Variants in IRS1 observed in about 807,000 individuals in gnomAD.
The protein encoded by IRS1 is insulin receptor substrate 1.
In IRS1, 34 loss-of-function variants were observed where a neutral mutation model predicts 65.6. The observed-to-expected ratio is 0.52, with a 90% CI of 0.39 to 0.69. The LOEUF (loss-of-function observed/expected upper bound fraction) is 0.69, where lower values mean the gene tolerates loss of function less well. Ranked by LOEUF, IRS1 falls within the 30% of genes least tolerant of loss-of-function variation. The pLI, the probability that IRS1 is intolerant of heterozygous loss-of-function variation, is 0.00. For missense variants in IRS1, 1,641 were observed against 1,720.2 expected (o/e 0.95, Z 0.81); for synonymous variants, 699 against 683.5 (o/e 1.02, Z -0.35).
Position 226,797,100 on chromosome 2 carries a change from A to C in IRS1, c.1639T>G (p.Ser547Ala). 1 of 1,613,632 alleles carries C rather than the reference A, an allele frequency of 6.2e-7. No individual in the cohort carries two copies. Among genetic ancestry groups the C allele is most frequent in the Non-Finnish European group, 8.5e-7 (1 of 1,179,960 alleles). Residue 547 changes from serine to alanine, a missense_variant, in exon 1 of 2, where the codon TCC (serine) becomes GCC (alanine). By Grantham distance (99) the Ser-to-Ala change is moderately conservative. This residue lies in a region of IRS1 where 1,324 missense variants were observed against 1,361.0 expected (regional missense o/e 0.97). Transcript: ENST00000305123. This position sits in a 1 kb window ranked among gnomAD's most constrained non-coding sequence, Gnocchi z 8.1. ...QKTPSQSSVASIEEYTEMMPA... is the reference protein window; with the variant it reads ...QKTPSQSSVAAIEEYTEMMPA... The stretch of plus-strand genomic sequence containing the variant: ...ATCATCTCTGTGTACTCCTCAATGG[A>C]AGCCACTGAGGACTGGGACGGGGTC...
chr2:226,786,492 G>A (rs928945270), intron 1 of IRS1, among the ~76,000 whole-genome samples: 7 of 151,930 alleles, frequency 4.6e-5, no homozygotes, highest in Non-Finnish European at 7.4e-5. Flanking sequence ...TGGAGCAGTT[G>A]GGCATTTAAC....
chr2:226,762,852 G>C (rs150222096), intron 1 of IRS1, among the ~76,000 whole-genome samples: 26 of 152,266 alleles, frequency 1.7e-4, no homozygotes, highest in South Asian at 1.4e-3. Context: ...TCAGCTCAAA[G>C]TGACAAGCCT....
chr2:226,799,379 G>GCTT lies in IRS1; in HGVS notation c.-642_-641insAAG. On this transcript the variant is annotated 5_prime_UTR_variant, in exon 1 of 2. Coordinates refer to ENST00000305123, the MANE Select transcript of IRS1 (RefSeq NM_005544.3). The surrounding 1 kb of genome is among the most constrained non-coding windows in gnomAD (Gnocchi z 6.1). ...GGCTGTTGCTGTTGCTGCTGCTGCT[G>GCTT]CTGCTGCTGCTGCCGCCGCCCGCGG... The GCTT allele has an allele frequency of 7.9e-7, 1 of 1,266,904 alleles. No individual in the cohort carries two copies. Among genetic ancestry groups the GCTT allele is most frequent in the Non-Finnish European group, 1.0e-6 (1 of 972,362 alleles). 78.5% of individuals were successfully genotyped at this position (1,266,904 alleles called of 1,614,324 possible). A position where few individuals can be genotyped will look rare whatever the true frequency, so the allele number is the denominator to read the frequency against.
chr2:226,773,046 A>C (rs1484529092), intron 1 of IRS1, among the ~76,000 whole-genome samples: 1 of 152,234 alleles, frequency 6.6e-6, no homozygotes, highest in Non-Finnish European at 1.5e-5. Context: ...AGCATGAAAC[A>C]AGCAAAATCA....
chr2:226,771,931 C>T (rs150081346), intron 1 of IRS1, among the ~76,000 whole-genome samples: 4 of 152,314 alleles, frequency 2.6e-5, no homozygotes, highest in Admixed American at 2.0e-4. Flanking sequence ...CAGCTTGTAA[C>T]ATAATTTAGC....
chr2:226,760,636 G>C (rs994748299), intron 1 of IRS1, among the ~76,000 whole-genome samples: 6 of 151,900 alleles, frequency 3.9e-5, no homozygotes, highest in African/African-American at 1.5e-4. Context: ...CTCCACAAAA[G>C]ATGAACAAGT....
At chr2:226,759,184 T>C (rs1320191807) in intron 1 of IRS1, among the ~76,000 whole-genome samples, 1 of 152,216 alleles carries the variant, frequency 6.6e-6, no homozygotes, top group African/African-American at 2.4e-5. Flanking sequence ...ACCCATGTGG[T>C]TTTGAAAGAC....
At chr2:226,751,184 C>G (rs1430853877) in intron 1 of IRS1, among the ~76,000 whole-genome samples, 1 of 150,884 alleles carries the variant, frequency 6.6e-6, no homozygotes, top group Non-Finnish European at 1.5e-5. Context: ...GCCGCCAGGG[C>G]TCTTGAACAA....
chr2:226,799,799 G>C lies in IRS1; in HGVS notation c.-1061C>G. On this transcript the variant is annotated 5_prime_UTR_variant, in exon 1 of 2. Coordinates refer to ENST00000305123, the MANE Select transcript of IRS1 (RefSeq NM_005544.3). The surrounding 1 kb of genome is among the most constrained non-coding windows in gnomAD (Gnocchi z 6.1). ...GAAAAACACGTGACGGAGCCTCCGCGCTCGGCAGCCGGGCAGCCGCCGCCG... is the reference window on the plus strand; with the variant it reads ...GAAAAACACGTGACGGAGCCTCCGCCCTCGGCAGCCGGGCAGCCGCCGCCG... 1 of 990,426 alleles carries C rather than the reference G, an allele frequency of 1.0e-6. No homozygotes were observed. The highest frequency in any genetic ancestry group is 1.2e-6 in the Non-Finnish European group (1 of 829,820). 61.4% of individuals were successfully genotyped at this position (990,426 alleles called of 1,614,324 possible).
rs529655323 is a variant in IRS1 at position 226,797,530 on chromosome 2, G to A, written c.1209C>T (p.Thr403=). ...ATCGCCGTGGGAAGAGACAATCCGA[G>A]GTGGAGCCATGGCCACTGGTGCTAC... is the stretch of plus-strand genomic sequence containing the variant. ...SSSSTSGHGS[T]SDCLFPRRSS... The change falls in exon 1 of 2, where the codon ACC becomes ACT. Residue 403 remains threonine (T), a synonymous_variant. Transcript: ENST00000305123. This position sits in a 1 kb window ranked among gnomAD's most constrained non-coding sequence, Gnocchi z 8.1. 2.5e-6 allele frequency: 4 copies of A among 1,610,960 alleles called. No homozygotes were observed. Among genetic ancestry groups the A allele is most frequent in the Admixed American group, 3.3e-5 (2 of 59,902 alleles).
chr2:226,783,240 A>G (rs1481069611), intron 1 of IRS1, among the ~76,000 whole-genome samples: 3 of 152,194 alleles, frequency 2.0e-5, no homozygotes, highest in African/African-American at 7.2e-5. Context: ...CAAGACCTGA[A>G]TCTGCACTTG....
chr2:226,752,852 C>T (rs145108228), intron 1 of IRS1, among the ~76,000 whole-genome samples: 2 of 152,330 alleles, frequency 1.3e-5, no homozygotes, highest in East Asian at 1.9e-4. Flanking sequence ...CACTTACTGG[C>T]GTGGGACCTC....
At position 226,798,364 on chromosome 2, in the gene IRS1, C is replaced by T. The variant is rs1289501716; in HGVS notation, c.375G>A (p.Ala125=). Residue 125 remains alanine (A), a synonymous_variant, in exon 1 of 2, where the codon GCG becomes GCA. Transcript: ENST00000305123. This position sits in a 1 kb window ranked among gnomAD's most constrained non-coding sequence, Gnocchi z 9.4. ...CCCCACCACCTCCCGCCCCGAGGGC[C>T]GCAGCTCCGTCGTGGTGGCCCTTAG... The part of the protein sequence containing the change: ...NRAKGHHDGA[A]ALGAGGGGGS... The T allele has an allele frequency of 1.2e-6, 2 of 1,613,696 alleles. No homozygotes were observed. The highest frequency in any genetic ancestry group is 8.5e-7 in the Non-Finnish European group (1 of 1,179,956).
Position 226,798,560 on chromosome 2 carries a change from G to A in IRS1, c.179C>T (p.Pro60Leu). 6.2e-7 allele frequency: 1 copy of A among 1,613,968 alleles called. No individual in the cohort carries two copies. The highest frequency in any genetic ancestry group is 8.5e-7 in the Non-Finnish European group (1 of 1,180,024). The stretch of plus-strand genomic sequence containing the variant: ...GCTCTCAAGGGGGATCGAGCGTTTG[G>A]GGGCGCTCGACTTGTGCCGCCACTT... ...EKKWRHKSSA[P>L]KRSIPLESCF... Residue 60 changes from proline to leucine, a missense_variant, in exon 1 of 2, where the codon CCC becomes CTC. Pro to Leu is a moderately conservative substitution (Grantham distance 98). This residue lies in a region of IRS1 where 240 missense variants were observed against 229.6 expected (regional missense o/e 1.05). Transcript: ENST00000305123. The surrounding 1 kb of genome is among the most constrained non-coding windows in gnomAD (Gnocchi z 9.4).
At chr2:226,753,921 C>T (rs888639519) in intron 1 of IRS1, among the ~76,000 whole-genome samples, 13 of 152,148 alleles carry the variant, frequency 8.5e-5, no homozygotes, top group African/African-American at 2.2e-4. Context: ...GGTGTGATCA[C>T]GGCTCACTGC....
At chr2:226,757,155 C>T (rs527381501) in intron 1 of IRS1, among the ~76,000 whole-genome samples, 12 of 152,224 alleles carry the variant, frequency 7.9e-5, no homozygotes, top group Middle Eastern at 3.4e-3. Flanking sequence ...TTTATGACAA[C>T]GACTGCAAGT....
chr2:226,780,130 T>C (rs1427414648), intron 1 of IRS1, among the ~76,000 whole-genome samples: 1 of 152,174 alleles, frequency 6.6e-6, no homozygotes, highest in Non-Finnish European at 1.5e-5. Context: ...CGGTGGCTCA[T>C]GCCTGTAATC....
Position 226,794,963 on chromosome 2 carries a change from T to G in IRS1, c.*21+26A>C. On this transcript the variant is annotated intron_variant, in intron 1 of 1. Transcript: ENST00000305123. This position sits in a 1 kb window ranked among gnomAD's most constrained non-coding sequence, Gnocchi z 4.1. Reference sequence around the variant, plus strand: ...GACAAGGTTAAAAGCAGTTTTGTCTTCTGACTTTGTCACCATGAAACGCAC... The same window carrying G: ...GACAAGGTTAAAAGCAGTTTTGTCTGCTGACTTTGTCACCATGAAACGCAC... The G allele has an allele frequency of 6.2e-7, 1 of 1,603,518 alleles. No homozygotes were observed. The highest frequency in any genetic ancestry group is 8.5e-7 in the Non-Finnish European group (1 of 1,171,520).
chr2:226,789,158 T>C (rs1229134717), intron 1 of IRS1, among the ~76,000 whole-genome samples: 2 of 152,164 alleles, frequency 1.3e-5, no homozygotes, highest in African/African-American at 4.8e-5. Flanking sequence ...TACCAACCCA[T>C]CAAAATAAAA....
Sources: allele counts gnomAD v4.1 joint callset (sites outside exome capture counted in the v4.1 genomes callset), GRCh38; gene constraint gnomAD v4.1.1; regional missense constraint gnomAD v4.1.1; non-coding constraint Gnocchi (gnomAD v3.1); transcripts MANE v1.5; gene names NCBI Gene and HGNC (gene_info 2026-07-23, HGNC 2026-07-21).